Variants in TMEM45B observed in about 807,000 individuals in gnomAD.
TMEM45B encodes transmembrane protein 45B.
Under a neutral mutation model 27.3 loss-of-function variants are expected in TMEM45B, and 29 were observed. The observed-to-expected ratio is 1.06, with a 90% CI of 0.79 to 1.45. TMEM45B has a LOEUF of 1.45. Among genes scored for constraint, TMEM45B ranks in the 40% most tolerant of loss-of-function variants. TMEM45B has a pLI of 0.00. For synonymous variants in TMEM45B, 143 were observed against 134.7 expected, an observed-to-expected ratio of 1.06 and a Z score of -0.43; for missense variants, 348 against 343.9, an observed-to-expected ratio of 1.01 and a Z score of -0.09.
intron 1 of TMEM45B, among the ~76,000 whole-genome samples, chr11:129,838,114 T>C (rs1201662807): frequency 6.6e-6 from 1 of 152,056 alleles, no homozygotes; most frequent in African/African-American, 2.4e-5. Flanking sequence ...AAGAACATGC[T>C]CTAAGAGGGA....
At chr11:129,817,159 C>T (rs1477864177) in intron 1 of TMEM45B, among the ~76,000 whole-genome samples, 3 of 152,254 alleles carry the variant, frequency 2.0e-5, no homozygotes, top group Non-Finnish European at 4.4e-5. Flanking sequence ...AACAGGCCTG[C>T]CTACAGCATT....
chr11:129,834,387 C>T (rs1308471971), intron 1 of TMEM45B, among the ~76,000 whole-genome samples: 4 of 151,122 alleles, frequency 2.6e-5, no homozygotes, highest in African/African-American at 9.7e-5. Context: ...GCTGAGATCA[C>T]GCCACTGCAC....
chr11:129,824,864 A>C (rs1286415752), intron 1 of TMEM45B, among the ~76,000 whole-genome samples: 1 of 152,186 alleles, frequency 6.6e-6, no homozygotes, highest in East Asian at 1.9e-4. Flanking sequence ...CCTGGAGGAA[A>C]TAAGGCCTAA....
intron 1 of TMEM45B, among the ~76,000 whole-genome samples, chr11:129,819,578 A>G (rs1947393637): frequency 6.9e-6 from 1 of 145,616 alleles, no homozygotes; most frequent in Admixed American, 6.9e-5. Flanking sequence ...TCTCTGTCTC[A>G]TCTCTTTCTT....
chr11:129,852,377 T>C (rs1947859428), intron 1 of TMEM45B, 98 bp from the exon 2 acceptor site: 1 of 1,072,692 alleles, frequency 9.3e-7, no homozygotes, highest in Non-Finnish European at 1.4e-6. Context: ...ACGTGGCTTA[T>C]GATTTGCAAT....
chr11:129,844,483 C>T (rs1053095633), intron 1 of TMEM45B, among the ~76,000 whole-genome samples: 26 of 152,130 alleles, frequency 1.7e-4, no homozygotes, highest in African/African-American at 6.3e-4. Flanking sequence ...CCCAAACATT[C>T]AAGACCAGCC....
intron 1 of TMEM45B, among the ~76,000 whole-genome samples, chr11:129,816,182 G>C (rs557481153): frequency 1.3e-5 from 2 of 152,256 alleles, no homozygotes; most frequent in South Asian, 4.1e-4. Context: ...GAGTGCCTCT[G>C]TCCGGCTGGC....
chr11:129,817,113 G>T (rs879802468), intron 1 of TMEM45B, among the ~76,000 whole-genome samples: 9 of 151,990 alleles, frequency 5.9e-5, no homozygotes, highest in Non-Finnish European at 1.2e-4. Flanking sequence ...TCCTCCTCCT[G>T]CACCTTTTTG....
intron 1 of TMEM45B, among the ~76,000 whole-genome samples, chr11:129,824,606 G>C (rs956020740): frequency 1.3e-5 from 2 of 152,170 alleles, no homozygotes; most frequent in African/African-American, 4.8e-5. Context: ...CTTGATTCAA[G>C]ATGAAGGCTA....
chr11:129,841,789 G>T (rs1947698801), intron 1 of TMEM45B, among the ~76,000 whole-genome samples: 1 of 151,788 alleles, frequency 6.6e-6, no homozygotes, highest in Non-Finnish European at 1.5e-5. Flanking sequence ...GTAGAGATGG[G>T]GTTTCGCCAT....
chr11:129,820,032 G>A (rs2135549246), intron 1 of TMEM45B, among the ~76,000 whole-genome samples: 1 of 152,026 alleles, frequency 6.6e-6, no homozygotes, highest in Admixed American at 6.5e-5. Flanking sequence ...AAGAATTTTG[G>A]GCCAGACACA....
chr11:129,830,114 A>G lies in TMEM45B; in HGVS notation c.-9+14216A>G, dbSNP rs4085366. ...GGGAAGCCAAGGCTGAATCACCTGA[A>G]GTTAGCAGTTCTAGACCAGCCTGGC... On this transcript the variant is annotated intron_variant, in intron 1 of 5. Coordinates refer to ENST00000281441, the MANE Select transcript of TMEM45B (RefSeq NM_138788.5). 4.9e-3 allele frequency among the ~76,000 whole-genome samples: 745 copies of G among 152,350 alleles called. 2 individuals are homozygous for G. Among genetic ancestry groups the G allele is most frequent in the African/African-American group, 0.017 (695 of 41,586 alleles).
chr11:129,851,899 T>G (rs1425434073), intron 1 of TMEM45B, among the ~76,000 whole-genome samples: 1 of 152,214 alleles, frequency 6.6e-6, no homozygotes, highest in Admixed American at 6.5e-5. Context: ...ATTTTCCAGT[T>G]GGGTGAAAAA....
chr11:129,845,345 G>A (rs935739440), intron 1 of TMEM45B, among the ~76,000 whole-genome samples: 1 of 140,140 alleles, frequency 7.1e-6, no homozygotes, highest in Non-Finnish European at 1.5e-5. Flanking sequence ...AGATGTGTGT[G>A]TGTGTGTGTG....
At chr11:129,833,457 C>T (rs1446642675) in intron 1 of TMEM45B, among the ~76,000 whole-genome samples, 2 of 151,910 alleles carry the variant, frequency 1.3e-5, no homozygotes, top group African/African-American at 4.8e-5. Flanking sequence ...GGACAGTAAT[C>T]CAATATGACT....
chr11:129,839,417 T>A (rs1288222904), intron 1 of TMEM45B, among the ~76,000 whole-genome samples: 1 of 152,216 alleles, frequency 6.6e-6, no homozygotes, highest in Non-Finnish European at 1.5e-5. Flanking sequence ...AGTTACTACC[T>A]GTCCAAAACA....
rs202108296 is a variant in TMEM45B at position 129,836,121 on chromosome 11, A to AT, written c.-8-16352dup. On this transcript the variant is annotated intron_variant, in intron 1 of 5. Coordinates refer to ENST00000281441, the MANE Select transcript of TMEM45B (RefSeq NM_138788.5). ...CGACAAGGGTGAAACTCCATTTCAA[A>AT]TTAAAAAAAAAAAAATTGAACGGAA... Among the ~76,000 whole-genome samples the AT allele has an allele frequency of 3.2e-4, 49 of 151,612 alleles. 1 individual carries two copies. Among genetic ancestry groups the AT allele is most frequent in the Admixed American group, 2.8e-3 (42 of 15,166 alleles).
At chr11:129,854,170 AGT>A (rs1190482000) in intron 2 of TMEM45B, among the ~76,000 whole-genome samples, 1 of 152,214 alleles carries the variant, frequency 6.6e-6, no homozygotes, top group Non-Finnish European at 1.5e-5. Flanking sequence ...CTTCATTACC[AGT>A]GTGTCTCTGC....
At chr11:129,855,917 C>G in intron 4 of TMEM45B, 25 bp downstream of exon 4, 15 of 1,612,680 alleles carry the variant, frequency 9.3e-6, no homozygotes, top group Non-Finnish European at 1.2e-5. Flanking sequence ...CCAGGCCCCT[C>G]GCTGGTCTGG....
Sources: allele counts gnomAD v4.1 joint callset (sites outside exome capture counted in the v4.1 genomes callset), GRCh38; gene constraint gnomAD v4.1.1; transcripts MANE v1.5; gene names NCBI Gene and HGNC (gene_info 2026-07-23, HGNC 2026-07-21).